The following MRM3 variants were observed in gnomAD, a reference collection of about 807,000 sequenced individuals.
The protein encoded by MRM3 is mitochondrial rRNA methyltransferase 3, also known as rRNA methyltransferase 3, mitochondrial.
Under a neutral mutation model 29.4 loss-of-function variants are expected in MRM3, and 26 were observed. That is an observed-to-expected ratio of 0.89 (90% confidence interval 0.65 to 1.23). The LOEUF is 1.23. MRM3 is among the 50% of genes most tolerant of loss of function. The probability of loss-of-function intolerance (pLI) is 0.00; values close to 1 mark genes in which losing one functional copy is unlikely to be tolerated. For missense variants in MRM3, 578 were observed against 540.2 expected (o/e 1.07, Z -0.69); for synonymous variants, 225 against 219.0 (o/e 1.03, Z -0.24).
chr17:783,796 T>G (rs1910382722), intron 2 of MRM3, among the ~76,000 whole-genome samples: 2 of 152,242 alleles, frequency 1.3e-5, no homozygotes, highest in Non-Finnish European at 2.9e-5. Flanking sequence ...GAAACCCGTT[T>G]TTCACTATCA....
chr17:788,077 G>T lies in MRM3; in HGVS notation c.672G>T (p.Gly224=). The T allele has an allele frequency of 6.2e-7, 1 of 1,614,184 alleles. No homozygotes were observed. The highest frequency in any genetic ancestry group is 8.5e-7 in the Non-Finnish European group (1 of 1,180,044). Residue 224 remains glycine (G), a synonymous_variant, in exon 3 of 4, where the codon GGG becomes GGT. Transcript: ENST00000304478. The stretch of plus-strand genomic sequence containing the variant: ...ATCTCCGTGACCCTGGGAACCTGGG[G>T]ACAATTCTGAGATCTGCAGCTGGGG... ...CDNLRDPGNL[G]TILRSAAGAG...
chr17:783,793 G>A (rs1910382418), intron 2 of MRM3, among the ~76,000 whole-genome samples: 1 of 152,190 alleles, frequency 6.6e-6, no homozygotes, highest in South Asian at 2.1e-4. Flanking sequence ...ATTGAAACCC[G>A]TTTTTCACTA....
Position 783,244 on chromosome 17 carries a change from A to C in MRM3, c.476A>C (p.Lys159Thr). Residue 159 changes from lysine (K) to threonine (T), a missense_variant, in exon 2 of 4, where the codon AAG (lysine) becomes ACG (threonine). Physicochemically the swap from Lys to Thr is moderately conservative, Grantham distance 78 (BLOSUM62 -1). Coordinates refer to ENST00000304478, the MANE Select transcript of MRM3 (RefSeq NM_018146.4). Reference protein sequence around the residue: ...LEYLKELPVDKLKGVSLIKVK... With the variant: ...LEYLKELPVDTLKGVSLIKVK... ...TACCTAAAGGAGTTGCCAGTCGATA[A>C]GCTGAAAGGTGTCAGCCTCATTAAG... 1 of 1,614,152 alleles carries C rather than the reference A, an allele frequency of 6.2e-7. No individual in the cohort carries two copies. The highest frequency in any genetic ancestry group is 8.5e-7 in the Non-Finnish European group (1 of 1,180,010).
In MRM3 at chr17:789,718, CG is replaced by C. The variant is rs1910706800; in HGVS notation, c.727+1587del. 5 of 152,206 alleles carry C rather than the reference CG, an allele frequency of 3.3e-5. No individual in the cohort carries two copies. In the South Asian group the frequency reaches 1.0e-3, roughly 31 times the overall value. The allele number at this position is 152,206 out of a possible 1,614,324, so 9.4% of individuals were successfully genotyped here. On this transcript the variant is annotated intron_variant, in intron 3 of 3. Coordinates refer to ENST00000304478, the MANE Select transcript of MRM3 (RefSeq NM_018146.4). ...GTTCTGTGATCAGTACCCGCTTACT[CG>C]CCCCATTATTTAGTGCTCTGATAGC...
chr17:789,279 A>G (rs1349709576), intron 3 of MRM3, among the ~76,000 whole-genome samples: 4 of 152,198 alleles, frequency 2.6e-5, no homozygotes, highest in Admixed American at 6.5e-5. Context: ...TATATGAGCC[A>G]CTCCTGAGTC....
intron 3 of MRM3, chr17:790,522 C>CACTGCCTGT (rs1208793339): frequency 4.7e-6 from 1 of 210,672 alleles, no homozygotes; most frequent in African/African-American, 2.4e-5. Flanking sequence ...TTGACCGGCT[C>CACTGCCTGT]ACTGCCTGTG....
intron 2 of MRM3, among the ~76,000 whole-genome samples, chr17:783,821 C>T (rs982942156): frequency 5.3e-5 from 8 of 152,172 alleles, no homozygotes; most frequent in Non-Finnish European, 1.0e-4. Context: ...TGTTGTGGCT[C>T]TTTATGGTCT....
chr17:783,437 A>G, intron 2 of MRM3, 110 bp downstream of exon 2: 1 of 1,129,328 alleles, frequency 8.9e-7, no homozygotes. Flanking sequence ...CTCGGGTTCA[A>G]GGGATTCTCT....
intron 3 of MRM3, among the ~76,000 whole-genome samples, chr17:789,184 C>T (rs1910682433): frequency 6.6e-6 from 1 of 151,988 alleles, no homozygotes. Context: ...AACTTCACAT[C>T]GATTATGGAA....
At chr17:788,615 G>A (rs1270653921) in intron 3 of MRM3, among the ~76,000 whole-genome samples, 1 of 152,082 alleles carries the variant, frequency 6.6e-6, no homozygotes, top group Non-Finnish European at 1.5e-5. Flanking sequence ...ACTATGCCCA[G>A]CCAAGTCAAT....
At chr17:790,175 A>G (rs1910724479) in intron 3 of MRM3, 1 of 152,234 alleles carries the variant, frequency 6.6e-6, no homozygotes, top group Admixed American at 6.5e-5. Flanking sequence ...CCATGCAGTC[A>G]CTGCGAGGCC....
At chr17:783,863 A>AT (rs1229347347) in intron 2 of MRM3, among the ~76,000 whole-genome samples, 2 of 152,054 alleles carry the variant, frequency 1.3e-5, no homozygotes, top group African/African-American at 4.8e-5. Context: ...CAAACCTTCT[A>AT]TTTTTTAGAT....
intron 3 of MRM3, 24 bp from the exon 4 acceptor site, chr17:791,510 G>C (rs769989822): frequency 4.4e-6 from 7 of 1,604,030 alleles, no homozygotes; most frequent in Non-Finnish European, 6.0e-6. Flanking sequence ...GTAACATCTT[G>C]ATTGTTTCCT....
At chr17:782,765 C>G in intron 1 of MRM3, 73 bp downstream of exon 1, 1 of 1,453,410 alleles carries the variant, frequency 6.9e-7, no homozygotes, top group African/African-American at 1.4e-5. Context: ...TAACCTCCTT[C>G]CGATGGAGGA....
At chr17:783,399 C>A in intron 2 of MRM3, 72 bp downstream of exon 2, 1 of 1,437,074 alleles carries the variant, frequency 7.0e-7, no homozygotes, top group Non-Finnish European at 9.3e-7. Context: ...TGCAATGGCG[C>A]GATCTCGGCC....
intron 3 of MRM3, chr17:789,666 G>A (rs2144527249): frequency 6.6e-6 from 1 of 152,330 alleles, no homozygotes; most frequent in South Asian, 2.1e-4. Context: ...ATACGTTTCT[G>A]TGCCAGTGTG....
rs762423522 is a variant in MRM3 at position 782,405 on chromosome 17, G to A, written c.27G>A (p.Arg9=). MAALVRPA[R]FVVRPLLQVV... ...TGGCGGCGCTGGTGAGACCCGCGAGGTTTGTCGTGCGACCGTTGCTGCAGG... is the reference window on the plus strand; with the variant it reads ...TGGCGGCGCTGGTGAGACCCGCGAGATTTGTCGTGCGACCGTTGCTGCAGG... Residue 9 remains arginine, a synonymous_variant, in exon 1 of 4, where the codon AGG becomes AGA. Coordinates refer to ENST00000304478, the MANE Select transcript of MRM3 (RefSeq NM_018146.4). 6.2e-7 allele frequency: 1 copy of A among 1,613,890 alleles called. No homozygotes were observed. The highest frequency in any genetic ancestry group is 8.5e-7 in the Non-Finnish European group (1 of 1,179,950).
chr17:788,603 CAA>C (rs200051411), intron 3 of MRM3, among the ~76,000 whole-genome samples: 2,180 of 151,502 alleles, frequency 0.014, 33 homozygotes, highest in East Asian at 0.059. Flanking sequence ...TAGGCATGAA[CAA>C]CTATGCCCAG....
chr17:791,195 TTACTGA>T (rs1447656162), intron 3 of MRM3, among the ~76,000 whole-genome samples: 2 of 152,154 alleles, frequency 1.3e-5, no homozygotes, highest in East Asian at 3.9e-4. Flanking sequence ...TTTACATCAG[TTACTGA>T]TACTGTAGCC....
Sources: gnomAD v4.1 joint callset for allele counts (sites outside exome capture counted in the v4.1 genomes callset) on GRCh38, gnomAD v4.1.1 for gene constraint, MANE v1.5 for transcripts, NCBI Gene and HGNC (gene_info 2026-07-23, HGNC 2026-07-21) for gene names.